ADCY8: variants seen among roughly 807,000 people sequenced by gnomAD.
The protein encoded by ADCY8 is adenylate cyclase 8.
In ADCY8, 51 loss-of-function variants were observed where a neutral mutation model predicts 119.7. That is an observed-to-expected ratio of 0.43 (90% CI 0.34 to 0.54). The LOEUF is 0.54. ADCY8 is among the 20% of genes least tolerant of loss of function. ADCY8 has a pLI of 0.03. For missense variants in ADCY8, 1,383 were observed against 1,598.8 expected, an observed-to-expected ratio of 0.87 and a Z score of 2.30; for synonymous variants, 665 against 651.0, an observed-to-expected ratio of 1.02 and a Z score of -0.33.
intron 1 of ADCY8, among the ~76,000 whole-genome samples, chr8:131,001,559 T>A (rs1822948043): frequency 6.7e-6 from 1 of 148,236 alleles, no homozygotes; most frequent in Admixed American, 6.8e-5. Flanking sequence ...ATACTATATA[T>A]ACAAATATTA....
At chr8:130,838,425 T>C (rs1817051194) in intron 11 of ADCY8, among the ~76,000 whole-genome samples, 1 of 152,216 alleles carries the variant, frequency 6.6e-6, no homozygotes, top group South Asian at 2.1e-4. Context: ...TTCATTTTGA[T>C]GCCTCTGTAT....
At chr8:130,841,556 A>T (rs932480304) in intron 11 of ADCY8, among the ~76,000 whole-genome samples, 1 of 152,240 alleles carries the variant, frequency 6.6e-6, no homozygotes, top group Admixed American at 6.5e-5. Context: ...CCAGGCTGGA[A>T]GGACATTGTC....
rs760046773 is a variant in ADCY8, at chr8:130,952,003, A to G, written c.1111-5T>C. On this transcript the variant is annotated splice_polypyrimidine_tract_variant and splice_region_variant and intron_variant, in intron 2 of 17. Coordinates refer to ENST00000286355, the MANE Select transcript of ADCY8 (RefSeq NM_001115.3). ...CACAGAAAGCACGAGCCGCTCCTGG[A>G]ACAAATGAAGAGGGACGGTCCTGTT... The G allele has an allele frequency of 3.1e-6, 5 of 1,613,904 alleles. No homozygotes were observed. Among genetic ancestry groups the G allele is most frequent in the Non-Finnish European group, 4.2e-6 (5 of 1,179,858 alleles).
chr8:130,820,640 G>A (rs943987476), intron 13 of ADCY8, among the ~76,000 whole-genome samples: 35 of 152,136 alleles, frequency 2.3e-4, no homozygotes, highest in Non-Finnish European at 4.7e-4. Flanking sequence ...CATTATTTGG[G>A]GTCAGCTCTA....
intron 9 of ADCY8, among the ~76,000 whole-genome samples, chr8:130,852,790 C>T (rs986077143): frequency 6.6e-6 from 1 of 152,126 alleles, no homozygotes; most frequent in African/African-American, 2.4e-5. Context: ...GAACTATGTG[C>T]AGTCTGTCGC....
At chr8:130,797,626 T>C (rs935798641) in intron 15 of ADCY8, among the ~76,000 whole-genome samples, 12 of 152,178 alleles carry the variant, frequency 7.9e-5, no homozygotes, top group African/African-American at 2.7e-4. Context: ...AGTGACCTTA[T>C]GGCCTAGCAT....
At chr8:130,897,982 C>T (rs1819464436) in intron 7 of ADCY8, among the ~76,000 whole-genome samples, 1 of 151,910 alleles carries the variant, frequency 6.6e-6, no homozygotes, top group African/African-American at 2.4e-5. Context: ...TATTCACACA[C>T]ACTACACACA....
At chr8:130,877,979 G>A (rs889971249) in intron 8 of ADCY8, among the ~76,000 whole-genome samples, 1 of 152,204 alleles carries the variant, frequency 6.6e-6, no homozygotes, top group Non-Finnish European at 1.5e-5. Flanking sequence ...CCTTGTGCAG[G>A]TTTGGGTTAG....
intron 4 of ADCY8, among the ~76,000 whole-genome samples, chr8:130,940,495 A>G (rs1182279881): frequency 1.3e-5 from 2 of 151,938 alleles, no homozygotes; most frequent in Non-Finnish European, 2.9e-5. Context: ...CATATATATT[A>G]TATAAAATTA....
chr8:130,881,740 A>G (rs1818780282), intron 8 of ADCY8, among the ~76,000 whole-genome samples: 1 of 152,102 alleles, frequency 6.6e-6, no homozygotes, highest in African/African-American at 2.4e-5. Context: ...CCTTATTATC[A>G]GGGGAATCCT....
rs188439734 is a variant in ADCY8, at chr8:130,884,487, T to C, written c.2109+77A>G. On this transcript the variant is annotated intron_variant, in intron 8 of 17. Transcript: ENST00000286355. ...ACAAAGAAACCAAAACCACAGCCCCTGGGCTCTCTCTCTAGTCCCATGAAC... is the reference window on the plus strand; with the variant it reads ...ACAAAGAAACCAAAACCACAGCCCCCGGGCTCTCTCTCTAGTCCCATGAAC... 6.9e-3 allele frequency: 10,227 copies of C among 1,487,112 alleles called. 63 individuals are homozygous for C. Among genetic ancestry groups the C allele is most frequent in the Non-Finnish European group, 7.8e-3 (8,409 of 1,072,802 alleles). 92.1% of individuals were successfully genotyped at this position (1,487,112 alleles called of 1,614,324 possible).
At chr8:130,852,679 C>T (rs1175341027) in intron 9 of ADCY8, among the ~76,000 whole-genome samples, 1 of 152,140 alleles carries the variant, frequency 6.6e-6, no homozygotes, top group East Asian at 1.9e-4. Flanking sequence ...CTGTGGACCT[C>T]CACATGGCAT....
chr8:130,911,580 A>G (rs1045082663), intron 5 of ADCY8, among the ~76,000 whole-genome samples: 1 of 123,178 alleles, frequency 8.1e-6, no homozygotes, highest in Non-Finnish European at 1.8e-5. Context: ...AGAAAAGTCT[A>G]AATTAAATTG....
chr8:130,896,642 G>C (rs879322852), intron 7 of ADCY8, among the ~76,000 whole-genome samples: 3 of 152,134 alleles, frequency 2.0e-5, no homozygotes, highest in Non-Finnish European at 4.4e-5. Context: ...AAAATCATAA[G>C]TTATGCTTAG....
intron 2 of ADCY8, among the ~76,000 whole-genome samples, chr8:130,978,590 C>G (rs1822143462): frequency 6.6e-6 from 1 of 152,186 alleles, no homozygotes; most frequent in South Asian, 2.1e-4. Context: ...GGGAAAATCA[C>G]AATTCCTCCA....
At chr8:130,804,159 A>G (rs1380138624) in intron 14 of ADCY8, among the ~76,000 whole-genome samples, 1 of 152,144 alleles carries the variant, frequency 6.6e-6, no homozygotes, top group African/African-American at 2.4e-5. Context: ...TATTACCTAT[A>G]GTATTTGTTT....
intron 2 of ADCY8, among the ~76,000 whole-genome samples, chr8:130,971,514 T>C (rs1232146398): frequency 2.0e-5 from 3 of 152,196 alleles, no homozygotes; most frequent in African/African-American, 7.2e-5. Context: ...GAGATAATCA[T>C]TCATTAAATA....
intron 13 of ADCY8, among the ~76,000 whole-genome samples, chr8:130,814,575 A>G (rs775542618): frequency 1.1e-4 from 16 of 152,212 alleles, no homozygotes; most frequent in Non-Finnish European, 1.9e-4. Flanking sequence ...AGACTGGATA[A>G]TTTATAAAGG....
At chr8:130,878,117 A>G (rs1162447017) in intron 8 of ADCY8, among the ~76,000 whole-genome samples, 2 of 152,194 alleles carry the variant, frequency 1.3e-5, no homozygotes, top group Non-Finnish European at 2.9e-5. Flanking sequence ...ACTCATTTCG[A>G]TGAGATCAAG....
Sources: allele counts gnomAD v4.1 joint callset (sites outside exome capture counted in the v4.1 genomes callset), GRCh38; gene constraint gnomAD v4.1.1; transcripts MANE v1.5; gene names NCBI Gene and HGNC (gene_info 2026-07-23, HGNC 2026-07-21).